DPYSL2: variants seen among roughly 807,000 people sequenced by gnomAD.
The protein encoded by DPYSL2 is dihydropyrimidinase-related protein 2.
A neutral mutation model predicts 69.9 loss-of-function variants in DPYSL2; 13 were observed. The observed-to-expected ratio is 0.19, with a 90% CI of 0.12 to 0.30. DPYSL2 has a LOEUF of 0.30. Ranked by LOEUF, DPYSL2 falls within the 10% of genes least tolerant of loss-of-function variation. DPYSL2 has a pLI of 1.00. For synonymous variants in DPYSL2, 326 were observed against 359.1 expected (o/e 0.91, Z 1.04); for missense variants, 587 against 918.9 (o/e 0.64, Z 4.67).
chr8:26,540,904 C>CA (rs56376341), intron 1 of DPYSL2, among the ~76,000 whole-genome samples: 54,633 of 102,376 alleles, frequency 0.53, 13,126 homozygotes, highest in East Asian at 0.74. Flanking sequence ...GACTCTGTCT[C>CA]AAAAAAAAAA....
In DPYSL2 at chr8:26,580,225, A is replaced by G. The variant is rs1801461425; in HGVS notation, c.355-1744A>G. 6.6e-6 allele frequency among the ~76,000 whole-genome samples: 1 copy of G among 152,156 alleles called. No homozygotes were observed. Among genetic ancestry groups the G allele is most frequent in the East Asian group, 1.9e-4 (1 of 5,186 alleles). On this transcript the variant is annotated intron_variant, in intron 1 of 13. Coordinates refer to ENST00000521913, the MANE Select transcript of DPYSL2 (RefSeq NM_001197293.3). This position sits in a 1 kb window ranked among gnomAD's most constrained non-coding sequence, Gnocchi z 4.1. Reference sequence around the variant, plus strand: ...TTGCCTTCCAGGTGATATTTATTCCATGGAAGCTTAGAGATCTGGGAGAGA... The same window carrying G: ...TTGCCTTCCAGGTGATATTTATTCCGTGGAAGCTTAGAGATCTGGGAGAGA...
Position 26,628,074 on chromosome 8 carries a change from G to T in DPYSL2, c.1005+134G>T, listed in dbSNP as rs113737966. ...CTGTGGTCTTTCTGAGAAGCTGTGGGTCACGTGTGTGTCTGTCTGTCTACG... is the reference window on the plus strand; with the variant it reads ...CTGTGGTCTTTCTGAGAAGCTGTGGTTCACGTGTGTGTCTGTCTGTCTACG... On this transcript the variant is annotated intron_variant, in intron 7 of 13. Coordinates refer to ENST00000521913, the MANE Select transcript of DPYSL2 (RefSeq NM_001197293.3). 17 of 859,460 alleles carry T rather than the reference G, an allele frequency of 2.0e-5. No homozygotes were observed. The East Asian group carries it at 4.5e-4, about 23-fold the overall frequency. The allele number at this position is 859,460 out of a possible 1,614,324, so 53.2% of individuals were successfully genotyped here.
rs1457758324 is a variant in DPYSL2, at chr8:26,650,786, A to G, written c.1597-1471A>G. Among the ~76,000 whole-genome samples the G allele has an allele frequency of 6.6e-6, 1 of 152,222 alleles. No individual in the cohort carries two copies. The highest frequency in any genetic ancestry group is 2.4e-5 in the African/African-American group (1 of 41,464). On this transcript the variant is annotated intron_variant, in intron 11 of 13. Transcript: ENST00000521913. This position sits in a 1 kb window ranked among gnomAD's most constrained non-coding sequence, Gnocchi z 5.3. ...CTCGACCTTGGCATTGGTTGCCAAGAGGGAAAAATGTCTCCCCCAAGAATT... is the reference window on the plus strand; with the variant it reads ...CTCGACCTTGGCATTGGTTGCCAAGGGGGAAAAATGTCTCCCCCAAGAATT...
Position 26,588,592 on chromosome 8 carries a change from A to G in DPYSL2, c.628+4609A>G, listed in dbSNP as rs1801654361. 1.3e-5 allele frequency among the ~76,000 whole-genome samples: 2 copies of G among 152,138 alleles called. No individual in the cohort carries two copies. Among genetic ancestry groups the G allele is most frequent in the South Asian group, 4.1e-4 (2 of 4,826 alleles). ...CCAGCAGGCTTCCTGGTCCCTGGGT[A>G]GCACCGCACAGCAGAGATGGGGACT... is the stretch of plus-strand genomic sequence containing the variant. On this transcript the variant is annotated intron_variant, in intron 3 of 13. Transcript: ENST00000521913. This position sits in a 1 kb window ranked among gnomAD's most constrained non-coding sequence, Gnocchi z 5.4.
chr8:26,647,778 T>C lies in DPYSL2; in HGVS notation c.1574T>C (p.Ile525Thr). The change falls in exon 11 of 14, where the codon ATC becomes ACC. Residue 525 changes from isoleucine (I) to threonine (T), a missense_variant. Physicochemically the swap from Ile to Thr is moderately conservative, Grantham distance 89. Transcript: ENST00000521913. This position sits in a 1 kb window ranked among gnomAD's most constrained non-coding sequence, Gnocchi z 5.1. The part of the protein sequence containing the change: ...VIWDPDSVKT[I>T]SAKTHNSSLE... The stretch of plus-strand genomic sequence containing the variant: ...TGGGACCCCGACAGCGTTAAAACCA[T>C]CTCTGCCAAGACACACAACAGCGTA... 1 of 1,613,684 alleles carries C rather than the reference T, an allele frequency of 6.2e-7. No individual in the cohort carries two copies. Among genetic ancestry groups the C allele is most frequent in the Non-Finnish European group, 8.5e-7 (1 of 1,179,824 alleles).
In DPYSL2 at chr8:26,627,848, C is replaced by G; in HGVS notation, c.937-24C>G. 6.2e-7 allele frequency: 1 copy of G among 1,612,304 alleles called. No homozygotes were observed. The highest frequency in any genetic ancestry group is 1.1e-5 in the South Asian group (1 of 90,664). Reference sequence around the variant, plus strand: ...GTGCAAAATCCACTCTCCCTCACAGCCTGACTTTCTCTAAACATTGCAGGA... The same window carrying G: ...GTGCAAAATCCACTCTCCCTCACAGGCTGACTTTCTCTAAACATTGCAGGA... On this transcript the variant is annotated intron_variant, in intron 6 of 13. Coordinates refer to ENST00000521913, the MANE Select transcript of DPYSL2 (RefSeq NM_001197293.3). This position sits in a 1 kb window ranked among gnomAD's most constrained non-coding sequence, Gnocchi z 6.9.
chr8:26,576,553 C>T (rs1004081904), intron 1 of DPYSL2, among the ~76,000 whole-genome samples: 1 of 152,200 alleles, frequency 6.6e-6, no homozygotes, highest in Non-Finnish European at 1.5e-5. Flanking sequence ...TTCTTTCCCA[C>T]GGACCCTGAA....
At chr8:26,607,750 A>G (rs1184036393) in intron 3 of DPYSL2, among the ~76,000 whole-genome samples, 1 of 151,794 alleles carries the variant, frequency 6.6e-6, no homozygotes, top group Non-Finnish European at 1.5e-5. Context: ...TGATCCTGCC[A>G]CGAACTTCAC....
At chr8:26,606,364 G>A (rs894941471) in intron 3 of DPYSL2, among the ~76,000 whole-genome samples, 1 of 152,134 alleles carries the variant, frequency 6.6e-6, no homozygotes, top group Non-Finnish European at 1.5e-5. Context: ...CAGATGAAAA[G>A]CCATATAATT....
In DPYSL2 at chr8:26,626,506, C is replaced by CACGT; in HGVS notation, c.794-109_794-108insGTAC. 1 of 842,144 alleles carries CACGT rather than the reference C, an allele frequency of 1.2e-6. No homozygotes were observed. The highest frequency in any genetic ancestry group is 1.9e-6 in the Non-Finnish European group (1 of 517,656). 52.2% of individuals were successfully genotyped at this position (842,144 alleles called of 1,614,324 possible). A position where few individuals can be genotyped will look rare whatever the true frequency, so the allele number is the denominator to read the frequency against. Reference sequence around the variant, plus strand: ...AAACACACACACACACACACACACACACACACACACACACACGTACACACA... The same window carrying CACGT: ...AAACACACACACACACACACACACACACGTACACACACACACACACGTACACACA... On this transcript the variant is annotated intron_variant, in intron 4 of 13. Coordinates refer to ENST00000521913, the MANE Select transcript of DPYSL2 (RefSeq NM_001197293.3). This position sits in a 1 kb window ranked among gnomAD's most constrained non-coding sequence, Gnocchi z 4.3.
At chr8:26,630,554 A>G (rs1020054929) in intron 7 of DPYSL2, among the ~76,000 whole-genome samples, 15 of 152,084 alleles carry the variant, frequency 9.9e-5, no homozygotes, top group African/African-American at 3.1e-4. Context: ...CCTGGCCCAC[A>G]TTTCAGTTTT....
At chr8:26,531,042 G>T (rs1800502854) in intron 1 of DPYSL2, among the ~76,000 whole-genome samples, 1 of 140,444 alleles carries the variant, frequency 7.1e-6, no homozygotes, top group Non-Finnish European at 1.5e-5. Context: ...CTGGGTGACA[G>T]AGCAAGACCT....
At chr8:26,645,815 G>C (rs900043274) in intron 10 of DPYSL2, among the ~76,000 whole-genome samples, 1 of 151,950 alleles carries the variant, frequency 6.6e-6, no homozygotes, top group Non-Finnish European at 1.5e-5. Flanking sequence ...CTCCCAAAGT[G>C]CTGGCATTAC....
chr8:26,547,443 C>T (rs546830190), intron 1 of DPYSL2, among the ~76,000 whole-genome samples: 10 of 152,050 alleles, frequency 6.6e-5, no homozygotes, highest in South Asian at 6.2e-4. Flanking sequence ...ACATTGTATC[C>T]ACCCTTCAAC....
intron 3 of DPYSL2, among the ~76,000 whole-genome samples, chr8:26,615,538 C>T (rs1228438012): frequency 6.6e-6 from 1 of 151,974 alleles, no homozygotes; most frequent in Non-Finnish European, 1.5e-5. Context: ...AGTTCCATGA[C>T]TCCCTTGGAG....
At chr8:26,552,460 A>G (rs901780702) in intron 1 of DPYSL2, among the ~76,000 whole-genome samples, 19 of 152,234 alleles carry the variant, frequency 1.2e-4, no homozygotes, top group Non-Finnish European at 2.2e-4. Context: ...TGATTCTTTG[A>G]AAAGATCAGT....
intron 1 of DPYSL2, among the ~76,000 whole-genome samples, chr8:26,524,457 G>C (rs1239802196): frequency 1.3e-5 from 2 of 151,966 alleles, no homozygotes; most frequent in African/African-American, 4.8e-5. Flanking sequence ...AATAACCATG[G>C]ATAGTATTTT....
Position 26,591,169 on chromosome 8 carries a change from T to C in DPYSL2, c.628+7186T>C, listed in dbSNP as rs1801717797. Among the ~76,000 whole-genome samples the C allele has an allele frequency of 6.6e-6, 1 of 152,140 alleles. No individual in the cohort carries two copies. The highest frequency in any genetic ancestry group is 2.4e-5 in the African/African-American group (1 of 41,430). On this transcript the variant is annotated intron_variant, in intron 3 of 13. Coordinates refer to ENST00000521913, the MANE Select transcript of DPYSL2 (RefSeq NM_001197293.3). This position sits in a 1 kb window ranked among gnomAD's most constrained non-coding sequence, Gnocchi z 5.8. ...TGTTTTACATGGAGAGTCACAGCAC[T>C]GGGGGTTTCCCAGAGCCTAGACTCT...
rs1444643901 is a variant in DPYSL2 at position 26,586,601 on chromosome 8, G to A, written c.628+2618G>A. 2.6e-5 allele frequency among the ~76,000 whole-genome samples: 4 copies of A among 152,004 alleles called. No individual in the cohort carries two copies. Reference sequence around the variant, plus strand: ...AGCATCACCTTCTTGCCACCACCCCGAATTTCTCTTTCGTCTTCCCCCTCA... The same window carrying A: ...AGCATCACCTTCTTGCCACCACCCCAAATTTCTCTTTCGTCTTCCCCCTCA... On this transcript the variant is annotated intron_variant, in intron 3 of 13. Coordinates refer to ENST00000521913, the MANE Select transcript of DPYSL2 (RefSeq NM_001197293.3). This position sits in a 1 kb window ranked among gnomAD's most constrained non-coding sequence, Gnocchi z 4.7.
Sources: gnomAD v4.1 joint callset for allele counts (sites outside exome capture counted in the v4.1 genomes callset) on GRCh38, gnomAD v4.1.1 for gene constraint, Gnocchi (gnomAD v3.1) non-coding constraint, MANE v1.5 for transcripts, NCBI Gene and HGNC (gene_info 2026-07-23, HGNC 2026-07-21) for gene names.